The following TNPO3 variants were observed in gnomAD, a reference collection of about 807,000 sequenced individuals.
TNPO3 encodes transportin 3, also known as transportin-3.
A neutral mutation model predicts 122.8 loss-of-function variants in TNPO3; 65 were observed. That is an observed-to-expected ratio of 0.53 (90% confidence interval 0.43 to 0.65). TNPO3 has a LOEUF of 0.65. TNPO3 is among the 30% of genes least tolerant of loss of function. TNPO3 has a pLI of 0.00. For missense variants in TNPO3, 850 were observed against 1,136.7 expected (o/e 0.75, Z 3.63); for synonymous variants, 372 against 411.2 (o/e 0.90, Z 1.15).
Position 128,974,903 on chromosome 7 carries a change from A to C in TNPO3, c.2238T>G (p.Pro746=). ...LEQQNGLQNH[P]DTVDDLFRLA... ...GCCGGAACAGGTCATCTACAGTGTC[A>C]GGGTGATTCTGGAGACCATTCTGCT... Residue 746 remains proline (P), a synonymous_variant, in exon 18 of 23, where the codon CCT becomes CCG. Coordinates refer to ENST00000265388, the MANE Select transcript of TNPO3 (RefSeq NM_012470.4). The C allele has an allele frequency of 6.2e-7, 1 of 1,614,246 alleles. No homozygotes were observed. Among genetic ancestry groups the C allele is most frequent in the Non-Finnish European group, 8.5e-7 (1 of 1,180,044 alleles).
chr7:128,999,158 T>G (rs1031283997), intron 7 of TNPO3, among the ~76,000 whole-genome samples: 1 of 152,240 alleles, frequency 6.6e-6, no homozygotes, highest in African/African-American at 2.4e-5. Context: ...AAGTCTTTTT[T>G]AAAGTACTTT....
At chr7:129,049,255 C>T (rs541958723) in intron 1 of TNPO3, among the ~76,000 whole-genome samples, 1 of 152,262 alleles carries the variant, frequency 6.6e-6, no homozygotes, top group South Asian at 2.1e-4. Flanking sequence ...ATGGGAAAGA[C>T]TCAGTAAAGG....
intron 17 of TNPO3, 57 bp downstream of exon 17, chr7:128,975,762 G>T: frequency 9.9e-7 from 1 of 1,011,516 alleles, no homozygotes; most frequent in Non-Finnish European, 1.5e-6. Context: ...AGAATACGCT[G>T]CTAGGCCTTC....
At chr7:128,963,436 G>A (rs1797656894) in intron 21 of TNPO3, among the ~76,000 whole-genome samples, 1 of 152,226 alleles carries the variant, frequency 6.6e-6, no homozygotes, top group Non-Finnish European at 1.5e-5. Context: ...GAAACAGCTT[G>A]TAGACAGAAT....
intron 21 of TNPO3, among the ~76,000 whole-genome samples, chr7:128,961,570 C>T (rs1188366569): frequency 6.6e-6 from 1 of 152,154 alleles, no homozygotes; most frequent in Non-Finnish European, 1.5e-5. Context: ...CTGTCTCGGT[C>T]CTTCTGACGT....
At chr7:128,964,333 CTT>C (rs35667373) in intron 21 of TNPO3, among the ~76,000 whole-genome samples, 6 of 120,660 alleles carry the variant, frequency 5.0e-5, no homozygotes, top group Admixed American at 9.8e-5. Flanking sequence ...CCAAAACAAT[CTT>C]TTTTTTTTTT....
chr7:129,012,794 C>T (rs1007250521), intron 4 of TNPO3, among the ~76,000 whole-genome samples: 3 of 152,288 alleles, frequency 2.0e-5, no homozygotes, highest in African/African-American at 7.2e-5. Flanking sequence ...AAACCGTCTA[C>T]ACTTTGCAAG....
chr7:128,990,019 G>A lies in TNPO3; in HGVS notation c.1440C>T (p.Thr480=). The A allele has an allele frequency of 6.2e-7, 1 of 1,614,198 alleles. No homozygotes were observed. The highest frequency in any genetic ancestry group is 8.5e-7 in the Non-Finnish European group (1 of 1,180,026). Residue 480 remains threonine, a synonymous_variant, in exon 11 of 23, where the codon ACC becomes ACT. Coordinates refer to ENST00000265388, the MANE Select transcript of TNPO3 (RefSeq NM_012470.4). ...PETVHTAVRY[T]SIELVGEMSE... ...TCATCTCTCCAACCAATTCAATGCTGGTGTATCGCACAGCCGTATGTACGG... is the reference window on the plus strand; with the variant it reads ...TCATCTCTCCAACCAATTCAATGCTAGTGTATCGCACAGCCGTATGTACGG...
At chr7:129,052,845 T>C (rs1808938515) in intron 1 of TNPO3, among the ~76,000 whole-genome samples, 1 of 152,222 alleles carries the variant, frequency 6.6e-6, no homozygotes, top group South Asian at 2.1e-4. Flanking sequence ...TAGTATAGTG[T>C]AGCACTTCTC....
chr7:129,053,052 C>T (rs1808968559), intron 1 of TNPO3, among the ~76,000 whole-genome samples: 1 of 152,034 alleles, frequency 6.6e-6, no homozygotes, highest in African/African-American at 2.4e-5. Flanking sequence ...CAGCGGGGGG[C>T]GATGGCTCAC....
chr7:128,964,922 A>G (rs912151431), intron 21 of TNPO3, among the ~76,000 whole-genome samples: 1 of 152,168 alleles, frequency 6.6e-6, no homozygotes, highest in African/African-American at 2.4e-5. Flanking sequence ...CTTACCTAAT[A>G]CCACATACAA....
intron 4 of TNPO3, 104 bp downstream of exon 4, chr7:129,014,875 A>T: frequency 1.7e-6 from 2 of 1,152,886 alleles, no homozygotes; most frequent in Non-Finnish European, 2.4e-6. Flanking sequence ...CATCATCATT[A>T]AATTTTGCAA....
chr7:129,047,465 T>C (rs1368159896), intron 1 of TNPO3, among the ~76,000 whole-genome samples: 3 of 152,212 alleles, frequency 2.0e-5, no homozygotes, highest in East Asian at 1.9e-4. Flanking sequence ...CAGTGATATC[T>C]ATCTATCACA....
At chr7:129,055,212 C>G (rs892954702), upstream of TNPO3, 1 of 160,928 alleles carries the variant, frequency 6.2e-6, no homozygotes, top group African/African-American at 2.4e-5. Context: ...TCTCCCCGCC[C>G]CCTCCCGGAA....
chr7:129,051,533 C>T (rs777947984), intron 1 of TNPO3, among the ~76,000 whole-genome samples: 32 of 152,060 alleles, frequency 2.1e-4, no homozygotes, highest in South Asian at 6.2e-4. Context: ...AATGAGGTCT[C>T]GCTATGTTGC....
At chr7:128,984,644 C>A (rs1253347864) in intron 12 of TNPO3, among the ~76,000 whole-genome samples, 3 of 152,146 alleles carry the variant, frequency 2.0e-5, no homozygotes, top group Non-Finnish European at 4.4e-5. Flanking sequence ...TCCAGCAATT[C>A]TTATCACAAG....
rs545743542 is a variant in TNPO3 at position 129,002,684 on chromosome 7, C to T, written c.697-1450G>A. ...CTGTAATCCCAGCACTTTGGGAGGC[C>T]AAGGTGGGCAGATCACAAGGTCAGG... On this transcript the variant is annotated intron_variant, in intron 5 of 22. Coordinates refer to ENST00000265388, the MANE Select transcript of TNPO3 (RefSeq NM_012470.4). Among the ~76,000 whole-genome samples, 208 of 151,516 alleles carry T rather than the reference C, an allele frequency of 1.4e-3. 1 individual carries two copies. The highest frequency in any genetic ancestry group is 6.8e-3 in the Middle Eastern group (2 of 294).
At chr7:129,000,954 A>G in intron 6 of TNPO3, 105 bp downstream of exon 6, 1 of 1,330,950 alleles carries the variant, frequency 7.5e-7, no homozygotes. Context: ...TGTACTTTAC[A>G]GAATCACTGA....
In TNPO3 at chr7:128,960,634, A is replaced by T. The variant is rs917903264; in HGVS notation, c.2712-3319T>A. On this transcript the variant is annotated intron_variant, in intron 21 of 22. Coordinates refer to ENST00000265388, the MANE Select transcript of TNPO3 (RefSeq NM_012470.4). ...AAGCTTATAAAGATATAAAGAAAAA[A>T]TTTTTTAATGAGCTGTACAATTTGT... 3.9e-5 allele frequency among the ~76,000 whole-genome samples: 6 copies of T among 152,012 alleles called. No individual in the cohort carries two copies. The East Asian group carries it at 1.2e-3, about 29-fold the overall frequency.
Sources: gnomAD v4.1 joint callset for allele counts (sites outside exome capture counted in the v4.1 genomes callset) on GRCh38, gnomAD v4.1.1 for gene constraint, MANE v1.5 for transcripts, NCBI Gene and HGNC (gene_info 2026-07-23, HGNC 2026-07-21) for gene names.